Variants in ZHX2 observed in about 807,000 individuals in gnomAD.
The protein encoded by ZHX2 is zinc fingers and homeoboxes 2.
A neutral mutation model predicts 21.9 loss-of-function variants in ZHX2; 6 were observed. That is an observed-to-expected ratio of 0.27 (90% confidence interval 0.15 to 0.54). ZHX2 has a LOEUF of 0.54. Among genes scored for constraint, ZHX2 ranks in the 20% least tolerant of loss-of-function variants. ZHX2 has a pLI of 0.95. For missense variants in ZHX2, 908 were observed against 1,090.7 expected, an observed-to-expected ratio of 0.83 and a Z score of 2.36; for synonymous variants, 434 against 437.1, an observed-to-expected ratio of 0.99 and a Z score of 0.09.
At chr8:122,922,159 C>G in intron 2 of ZHX2, among the ~76,000 whole-genome samples, 1 of 152,124 alleles carries the variant, frequency 6.6e-6, no homozygotes, top group South Asian at 2.1e-4. Context: ...TCCCCACCCC[C>G]ACCAACACCT....
At chr8:122,803,890 C>T (rs778484410) in intron 1 of ZHX2, among the ~76,000 whole-genome samples, 18 of 152,212 alleles carry the variant, frequency 1.2e-4, no homozygotes, top group Non-Finnish European at 2.1e-4. Context: ...GCCTGCTGGG[C>T]GGCCTGTTTG....
chr8:122,906,094 G>A (rs1313057708), intron 2 of ZHX2, among the ~76,000 whole-genome samples: 1 of 151,966 alleles, frequency 6.6e-6, no homozygotes, highest in Admixed American at 6.6e-5. Flanking sequence ...TTTCAATATT[G>A]GATTAAGCAA....
chr8:122,883,741 T>C lies in ZHX2; in HGVS notation c.-220+20202T>C, dbSNP rs557014648. Among the ~76,000 whole-genome samples the C allele has an allele frequency of 2.0e-5, 3 of 152,372 alleles. No homozygotes were observed. The East Asian group carries it at 5.8e-4, about 29-fold the overall frequency. On this transcript the variant is annotated intron_variant, in intron 2 of 3. Coordinates refer to ENST00000314393, the MANE Select transcript of ZHX2 (RefSeq NM_014943.5). Reference sequence around the variant, plus strand: ...CTTGCAGAAAGAAAGACCCGTTTGTTGGTGGAACCAAATGTCAGAAGGGTT... The same window carrying C: ...CTTGCAGAAAGAAAGACCCGTTTGTCGGTGGAACCAAATGTCAGAAGGGTT...
intron 1 of ZHX2, among the ~76,000 whole-genome samples, chr8:122,791,603 G>A (rs540025274): frequency 3.9e-5 from 6 of 152,332 alleles, no homozygotes; most frequent in South Asian, 4.1e-4. Flanking sequence ...GGTGGCTCAC[G>A]CCTGTAATCC....
chr8:122,927,201 A>T (rs546348435), intron 2 of ZHX2, among the ~76,000 whole-genome samples: 2 of 152,318 alleles, frequency 1.3e-5, no homozygotes, highest in Admixed American at 1.3e-4. Flanking sequence ...CTGCTAATAA[A>T]GATATACCCC....
chr8:122,863,455 A>G (rs1317158017), intron 1 of ZHX2, 22 bp from the exon 2 acceptor site: 1 of 152,552 alleles, frequency 6.6e-6, no homozygotes, highest in Non-Finnish European at 1.5e-5. Context: ...TGCTTTTGAT[A>G]CTGAGTTTCT....
At chr8:122,945,972 A>T (rs1812966413) in intron 2 of ZHX2, among the ~76,000 whole-genome samples, 1 of 152,138 alleles carries the variant, frequency 6.6e-6, no homozygotes, top group Non-Finnish European at 1.5e-5. Context: ...AAGTGTTTTC[A>T]GGTTGGCACA....
chr8:122,881,600 T>C, intron 2 of ZHX2, among the ~76,000 whole-genome samples: 1 of 152,194 alleles, frequency 6.6e-6, no homozygotes, highest in South Asian at 2.1e-4. Context: ...TAGGTAGAGA[T>C]GAAGTAGAAT....
chr8:122,865,286 G>A (rs1819263600), intron 2 of ZHX2, among the ~76,000 whole-genome samples: 1 of 151,952 alleles, frequency 6.6e-6, no homozygotes, highest in Admixed American at 6.6e-5. Context: ...CCACCACCAC[G>A]CCCAGCTAAT....
At chr8:122,860,476 C>T (rs56357576) in intron 1 of ZHX2, among the ~76,000 whole-genome samples, 3,118 of 152,322 alleles carry the variant, frequency 0.02, 118 homozygotes, top group African/African-American at 0.072. Flanking sequence ...TTGCAGCACA[C>T]AATTCACAAT....
In ZHX2 at chr8:122,953,217, C is replaced by A; in HGVS notation, c.1707C>A (p.Ser569Arg). Residue 569 changes from serine to arginine, a missense_variant, in exon 3 of 4, where the codon AGC (serine) becomes AGA (arginine). Ser to Arg is a moderately radical substitution (Grantham distance 110). Around this residue, in one of 4 missense-constraint regions of ZHX2, gnomAD observed 431 missense variants for 428.6 expected, o/e 1.01. Coordinates refer to ENST00000314393, the MANE Select transcript of ZHX2 (RefSeq NM_014943.5). This position sits in a 1 kb window ranked among gnomAD's most constrained non-coding sequence, Gnocchi z 4.6. ...GGCTAAGGGTGGAGACCAAGCTGAG[C>A]AGGAGAGAGATCGACTCCTGGTTCT... is the stretch of plus-strand genomic sequence containing the variant. ...LDRLRVETKL[S>R]RREIDSWFSE... 6.2e-7 allele frequency: 1 copy of A among 1,613,820 alleles called. No individual in the cohort carries two copies. Among genetic ancestry groups the A allele is most frequent in the Non-Finnish European group, 8.5e-7 (1 of 1,179,972 alleles).
At position 122,820,633 on chromosome 8, in the gene ZHX2, C is replaced by T. The variant is rs533570682; in HGVS notation, c.-283+38687C>T. On this transcript the variant is annotated intron_variant, in intron 1 of 3. Coordinates refer to ENST00000314393, the MANE Select transcript of ZHX2 (RefSeq NM_014943.5). ...GATACGGAGAATAGTCACCAGACGA[C>T]GGGGCTGAGAGAGGGATGCATTTGG... Among the ~76,000 whole-genome samples the T allele has an allele frequency of 4.6e-5, 7 of 152,124 alleles. No homozygotes were observed. The South Asian group carries it at 1.2e-3, about 27-fold the overall frequency.
At chr8:122,915,662 A>G (rs541122433) in intron 2 of ZHX2, among the ~76,000 whole-genome samples, 1 of 152,300 alleles carries the variant, frequency 6.6e-6, no homozygotes, top group East Asian at 1.9e-4. Context: ...TTTGGGTTCT[A>G]GCAGCATTGT....
Position 122,805,542 on chromosome 8 carries a change from A to G in ZHX2, c.-283+23596A>G, listed in dbSNP as rs75085248. On this transcript the variant is annotated intron_variant, in intron 1 of 3. Coordinates refer to ENST00000314393, the MANE Select transcript of ZHX2 (RefSeq NM_014943.5). ...GCATCTACTACGGACTCAAAGGAAC[A>G]CCTCATGAAGATCTTTCTTTTTTAA... Among the ~76,000 whole-genome samples the G allele has an allele frequency of 2.9e-3, 441 of 152,280 alleles. 2 individuals are homozygous for G. Among genetic ancestry groups the G allele is most frequent in the African/African-American group, 0.01 (430 of 41,548 alleles).
chr8:122,896,375 A>T (rs1338167645), intron 2 of ZHX2, among the ~76,000 whole-genome samples: 1 of 152,246 alleles, frequency 6.6e-6, no homozygotes, highest in Non-Finnish European at 1.5e-5. Flanking sequence ...GGGATGATGC[A>T]GCAGGATAAT....
At chr8:122,906,815 C>T (rs986867443) in intron 2 of ZHX2, among the ~76,000 whole-genome samples, 13 of 151,786 alleles carry the variant, frequency 8.6e-5, no homozygotes, top group East Asian at 3.9e-4. Flanking sequence ...GGATTACAGG[C>T]GCACACCACC....
Position 122,819,827 on chromosome 8 carries a change from G to A in ZHX2, c.-283+37881G>A, listed in dbSNP as rs189912484. ...AGTGGTTACATCCAAATACCCACAA[G>A]AGGCCGGACACCTTTCTCTCCCGTA... On this transcript the variant is annotated intron_variant, in intron 1 of 3. Coordinates refer to ENST00000314393, the MANE Select transcript of ZHX2 (RefSeq NM_014943.5). Among the ~76,000 whole-genome samples the A allele has an allele frequency of 6.8e-4, 104 of 152,312 alleles. 1 individual carries two copies. The highest frequency in any genetic ancestry group is 6.8e-3 in the Middle Eastern group (2 of 294).
At chr8:122,907,888 G>A (rs574926079) in intron 2 of ZHX2, among the ~76,000 whole-genome samples, 45 of 152,220 alleles carry the variant, frequency 3.0e-4, no homozygotes, top group Middle Eastern at 3.4e-3. Context: ...TACAGTAGGG[G>A]TTTTTTTGTT....
Position 122,870,638 on chromosome 8 carries a change from CAAAAAAAAAAAAAAAAA to C in ZHX2, c.-220+7111_-220+7127del, listed in dbSNP as rs59071295. 9.1e-4 allele frequency among the ~76,000 whole-genome samples: 58 copies of C among 63,912 alleles called. No individual in the cohort carries two copies. The East Asian group carries it at 0.028, about 31-fold the overall frequency. 41.9% of individuals were successfully genotyped at this position (63,912 alleles called of 152,430 possible). ...TGGGTGACAGAGCAAGTCTCTGTCT[CAAAAAAAAAAAAAAAAA>C]AAAAAAAAAAAGAAAGAGAAAGATG... On this transcript the variant is annotated intron_variant, in intron 2 of 3. Transcript: ENST00000314393.
Sources: allele counts gnomAD v4.1 joint callset (sites outside exome capture counted in the v4.1 genomes callset), GRCh38; gene constraint gnomAD v4.1.1; regional missense constraint gnomAD v4.1.1; non-coding constraint Gnocchi (gnomAD v3.1); transcripts MANE v1.5; gene names NCBI Gene and HGNC (gene_info 2026-07-23, HGNC 2026-07-21).